The following UBE2W variants were observed in gnomAD, a reference collection of about 807,000 sequenced individuals.
UBE2W encodes the protein ubiquitin-conjugating enzyme E2 W.
UBE2W carries 18 observed loss-of-function variants against 27.2 expected under a neutral mutation model. The observed-to-expected ratio is 0.66, with a 90% CI of 0.46 to 0.98. UBE2W has a LOEUF of 0.98. UBE2W is among the 50% of genes least tolerant of loss of function. The probability of loss-of-function intolerance (pLI) is 0.00; values close to 1 mark genes in which losing one functional copy is unlikely to be tolerated. For synonymous variants in UBE2W, 53 were observed against 57.2 expected, an observed-to-expected ratio of 0.93 and a Z score of 0.33; for missense variants, 90 against 180.2, an observed-to-expected ratio of 0.50 and a Z score of 2.87.
rs2130908414 is a variant in UBE2W at position 73,830,429 on chromosome 8, G to A, written c.59C>T (p.Pro20Leu). The change falls in exon 2 of 6, where the codon CCT (proline) becomes CTT (leucine). Residue 20 changes from proline (P) to leucine (L), a missense_variant. Physicochemically the swap from Pro to Leu is moderately conservative, Grantham distance 98. Coordinates refer to ENST00000602593, the MANE Select transcript of UBE2W (RefSeq NM_018299.6). The part of the protein sequence containing the change: ...KELLALQNDP[P>L]PGMTLNEKSV... The stretch of plus-strand genomic sequence containing the variant: ...CTTCTCATTTAAGGTCATTCCAGGA[G>A]GTGGGTCATTTTGCAAAGCCAACAG... 1 of 1,613,778 alleles carries A rather than the reference G, an allele frequency of 6.2e-7. No individual in the cohort carries two copies. Among genetic ancestry groups the A allele is most frequent in the South Asian group, 1.1e-5 (1 of 91,064 alleles).
intron 5 of UBE2W, among the ~76,000 whole-genome samples, chr8:73,802,718 G>GT (rs1400090745): frequency 1.3e-5 from 2 of 151,440 alleles, no homozygotes; most frequent in African/African-American, 4.9e-5. Flanking sequence ...GGCAAAACCC[G>GT]TCTCTACTAA....
At chr8:73,865,938 T>C (rs1370752589) in intron 1 of UBE2W, among the ~76,000 whole-genome samples, 1 of 152,162 alleles carries the variant, frequency 6.6e-6, no homozygotes, top group Non-Finnish European at 1.5e-5. Flanking sequence ...CTGAAGTTGA[T>C]AACGCCTCTT....
intron 1 of UBE2W, among the ~76,000 whole-genome samples, chr8:73,859,367 A>G (rs1042622529): frequency 2.6e-5 from 4 of 152,278 alleles, no homozygotes; most frequent in Admixed American, 2.6e-4. Context: ...TTAGCTGGGC[A>G]TGGTGGCGCG....
chr8:73,847,215 G>T (rs959713145), intron 1 of UBE2W, among the ~76,000 whole-genome samples: 1 of 151,870 alleles, frequency 6.6e-6, no homozygotes, highest in Non-Finnish European at 1.5e-5. Flanking sequence ...TCTAGAATTC[G>T]TAATTCACAA....
chr8:73,786,264 T>C lies in UBE2W; in HGVS notation c.*7838A>G. ...ATTTAAAAGTAGTTTTCTCAAACTCTCTGGGATAGAAAGAGCAGGGTCCTG... is the reference window on the plus strand; with the variant it reads ...ATTTAAAAGTAGTTTTCTCAAACTCCCTGGGATAGAAAGAGCAGGGTCCTG... On this transcript the variant is annotated 3_prime_UTR_variant, in exon 6 of 6. Transcript: ENST00000602593. The C allele has an allele frequency of 2.0e-6, 2 of 985,466 alleles. No individual in the cohort carries two copies. The highest frequency in any genetic ancestry group is 9.4e-5 in the South Asian group (2 of 21,288). 61.0% of individuals were successfully genotyped at this position (985,466 alleles called of 1,614,324 possible). A position where few individuals can be genotyped will look rare whatever the true frequency, so the allele number is the denominator to read the frequency against.
intron 5 of UBE2W, among the ~76,000 whole-genome samples, chr8:73,800,111 AAGG>A (rs1467855102): frequency 2.6e-5 from 4 of 152,132 alleles, no homozygotes; most frequent in Admixed American, 1.3e-4. Flanking sequence ...GATATATATA[AAGG>A]AGAAGACAGT....
chr8:73,811,524 C>T (rs1809153044), intron 3 of UBE2W, among the ~76,000 whole-genome samples: 2 of 151,966 alleles, frequency 1.3e-5, no homozygotes, highest in African/African-American at 4.8e-5. Context: ...ATTTATTCTA[C>T]AGGTTAGCAG....
chr8:73,822,631 A>AAAAT (rs1809668536), intron 3 of UBE2W, among the ~76,000 whole-genome samples: 7 of 141,692 alleles, frequency 4.9e-5, no homozygotes, highest in Non-Finnish European at 7.6e-5. Context: ...AAAAAAAAAA[A>AAAAT]AAATTAGCTG....
Position 73,868,348 on chromosome 8 carries a change from C to T in UBE2W, c.15+10460G>A, listed in dbSNP as rs148905918. Among the ~76,000 whole-genome samples the T allele has an allele frequency of 3.4e-4, 52 of 152,278 alleles. No individual in the cohort carries two copies. In the East Asian group the frequency reaches 9.2e-3, roughly 27 times the overall value. On this transcript the variant is annotated intron_variant, in intron 1 of 5. Coordinates refer to ENST00000602593, the MANE Select transcript of UBE2W (RefSeq NM_018299.6). ...AATAAGAACATAGCCACATACCCCA[C>T]GGGGCCAAAGGCTCCTGGGTTCATG... is the stretch of plus-strand genomic sequence containing the variant.
chr8:73,814,239 C>G (rs145813902), intron 3 of UBE2W, among the ~76,000 whole-genome samples: 1 of 152,182 alleles, frequency 6.6e-6, no homozygotes, highest in East Asian at 1.9e-4. Flanking sequence ...TTCTAAGGTT[C>G]AAAAAAATTT....
chr8:73,827,720 A>C (rs1281093453), intron 2 of UBE2W, among the ~76,000 whole-genome samples: 3 of 151,608 alleles, frequency 2.0e-5, no homozygotes, highest in Non-Finnish European at 4.4e-5. Context: ...TCTTTTTTTC[A>C]GTAGAGATGG....
chr8:73,781,619 G>GTTTTT (rs112691687), downstream of UBE2W, among the ~76,000 whole-genome samples: 4 of 140,878 alleles, frequency 2.8e-5, no homozygotes, highest in Non-Finnish European at 4.6e-5. Context: ...TCAGGTTTGG[G>GTTTTT]TTTTTTTTTT....
At chr8:73,810,229 T>C (rs1809099329) in intron 4 of UBE2W, among the ~76,000 whole-genome samples, 1 of 152,192 alleles carries the variant, frequency 6.6e-6, no homozygotes, top group South Asian at 2.1e-4. Flanking sequence ...ATACCGTACA[T>C]TTCCTGTTTA....
At chr8:73,860,739 A>C (rs1445883298) in intron 1 of UBE2W, among the ~76,000 whole-genome samples, 1 of 152,170 alleles carries the variant, frequency 6.6e-6, no homozygotes. Context: ...TGGAGGGGCT[A>C]ACTAAATGAT....
At chr8:73,811,564 T>A (rs80085882) in intron 3 of UBE2W, among the ~76,000 whole-genome samples, 17,398 of 151,864 alleles carry the variant, frequency 0.11, 3,175 homozygotes, top group African/African-American at 0.39. Flanking sequence ...TCGCCAAAAA[T>A]CAAACAAAAA....
rs1273983951 is a variant in UBE2W at position 73,792,906 on chromosome 8, T to C, written c.*1196A>G. On this transcript the variant is annotated 3_prime_UTR_variant, in exon 6 of 6. Coordinates refer to ENST00000602593, the MANE Select transcript of UBE2W (RefSeq NM_018299.6). ...TGTGTGAGACAAATAAGCAACCATT[T>C]GATAGTGACTTTTGCCTAAATTTTA... The C allele has an allele frequency of 1.0e-6, 1 of 985,674 alleles. No homozygotes were observed. The highest frequency in any genetic ancestry group is 1.2e-6 in the Non-Finnish European group (1 of 829,898). The allele number at this position is 985,674 out of a possible 1,614,324, so 61.1% of individuals were successfully genotyped here.
At chr8:73,841,067 G>A (rs1035648963) in intron 1 of UBE2W, among the ~76,000 whole-genome samples, 1 of 152,154 alleles carries the variant, frequency 6.6e-6, no homozygotes, top group Non-Finnish European at 1.5e-5. Flanking sequence ...TATATAAAAT[G>A]ACCAAGAATG....
intron 1 of UBE2W, among the ~76,000 whole-genome samples, chr8:73,837,093 G>GT (rs1351480533): frequency 1.3e-5 from 2 of 152,164 alleles, no homozygotes; most frequent in African/African-American, 4.8e-5. Context: ...GCCATCAATT[G>GT]TAAGATGCAT....
intron 1 of UBE2W, among the ~76,000 whole-genome samples, chr8:73,858,381 A>G (rs1186896348): frequency 6.9e-6 from 1 of 144,860 alleles, no homozygotes; most frequent in Non-Finnish European, 1.5e-5. Flanking sequence ...AAAAAAAAAG[A>G]ACATAAAATA....
Sources: allele counts gnomAD v4.1 joint callset (sites outside exome capture counted in the v4.1 genomes callset), GRCh38; gene constraint gnomAD v4.1.1; transcripts MANE v1.5; gene names NCBI Gene and HGNC (gene_info 2026-07-23, HGNC 2026-07-21).